The following MGAT4C variants were observed in gnomAD, a reference collection of about 807,000 sequenced individuals.
The protein encoded by MGAT4C is alpha-1,3-mannosyl-glycoprotein 4-beta-N-acetylglucosaminyltransferase C.
MGAT4C carries 19 observed loss-of-function variants against 40.1 expected under a neutral mutation model. The ratio of observed to expected loss-of-function variants is 0.47; its 90% CI spans 0.33 to 0.70. The LOEUF (loss-of-function observed/expected upper bound fraction) is 0.70. MGAT4C is among the 30% of genes least tolerant of loss of function. The probability of loss-of-function intolerance (pLI) is 0.02; values close to 1 mark genes in which losing one functional copy is unlikely to be tolerated. For missense variants in MGAT4C, 491 were observed against 563.2 expected (o/e 0.87, Z 1.30); for synonymous variants, 181 against 187.1 (o/e 0.97, Z 0.27).
At position 85,975,366 on chromosome 12, in the gene MGAT4C, T is replaced by C. The variant is rs1430172206; in HGVS notation, c.*3923A>G. On this transcript the variant is annotated 3_prime_UTR_variant, in exon 5 of 5. Transcript: ENST00000611864. Reference sequence around the variant, plus strand: ...TGGATAAAAAGGAAACAAATATTTATTGTGTGCCTAGTTTATGTTATCTCA... The same window carrying C: ...TGGATAAAAAGGAAACAAATATTTACTGTGTGCCTAGTTTATGTTATCTCA... The C allele has an allele frequency of 6.6e-6, 1 of 151,030 alleles. No homozygotes were observed. The highest frequency in any genetic ancestry group is 1.5e-5 in the Non-Finnish European group (1 of 67,172). The allele number at this position is 151,030 out of a possible 1,614,324, so 9.4% of individuals were successfully genotyped here. A position where few individuals can be genotyped will look rare whatever the true frequency, so the allele number is the denominator to read the frequency against.
rs1022896703 is a variant in MGAT4C at position 86,438,581 on chromosome 12, A to G, written c.-228-3316T>C. Among the ~76,000 whole-genome samples, 3 of 152,014 alleles carry G rather than the reference A, an allele frequency of 2.0e-5. 1 individual carries two copies. Among genetic ancestry groups the G allele is most frequent in the African/African-American group, 7.2e-5 (3 of 41,438 alleles). On this transcript the variant is annotated intron_variant, in intron 2 of 7. Coordinates refer to the MGAT4C transcript ENST00000548651. The stretch of plus-strand genomic sequence containing the variant: ...AAAACATGAAGAAAACAAAGTAACT[A>G]TGTAACAATCAATATGATGACTGGA...
intron 2 of MGAT4C, among the ~76,000 whole-genome samples, chr12:86,555,738 G>A (rs1340138060): frequency 5.9e-5 from 9 of 152,104 alleles, no homozygotes; most frequent in Non-Finnish European, 1.3e-4. Flanking sequence ...GCGCCCTTTT[G>A]ACCCCCACAT....
At chr12:86,233,763 G>C (rs1417775965) in intron 1 of MGAT4C, among the ~76,000 whole-genome samples, 1 of 151,888 alleles carries the variant, frequency 6.6e-6, no homozygotes, top group Non-Finnish European at 1.5e-5. Context: ...TATTTTTTGA[G>C]CTGAATTATC....
intron 1 of MGAT4C, among the ~76,000 whole-genome samples, chr12:86,755,823 G>C (rs1951295742): frequency 6.6e-6 from 1 of 151,428 alleles, no homozygotes; most frequent in African/African-American, 2.4e-5. Context: ...GTTTTTTGTA[G>C]TTTTTGTAGA....
intron 4 of MGAT4C, among the ~76,000 whole-genome samples, chr12:86,277,589 G>A (rs910388691): frequency 6.6e-6 from 1 of 152,134 alleles, no homozygotes; most frequent in African/African-American, 2.4e-5. Flanking sequence ...AGAATAGAGT[G>A]GGGTAGTTTC....
chr12:86,729,896 T>A (rs1160147501), intron 1 of MGAT4C, among the ~76,000 whole-genome samples: 1 of 152,076 alleles, frequency 6.6e-6, no homozygotes, highest in Non-Finnish European at 1.5e-5. Flanking sequence ...ATAGGCACCA[T>A]CAGAAATAAC....
chr12:86,504,689 CT>C (rs200819234), intron 2 of MGAT4C, among the ~76,000 whole-genome samples: 13 of 151,450 alleles, frequency 8.6e-5, no homozygotes, highest in Non-Finnish European at 8.8e-5. Context: ...GGAAAACAAT[CT>C]TTTTTTTTAT....
At chr12:86,513,078 C>T (rs912470826) in intron 2 of MGAT4C, among the ~76,000 whole-genome samples, 5 of 151,894 alleles carry the variant, frequency 3.3e-5, no homozygotes, top group African/African-American at 1.2e-4. Flanking sequence ...CTTGAGAGAG[C>T]CAATTAAAGT....
At chr12:86,704,384 T>C (rs1467045939) in intron 2 of MGAT4C, among the ~76,000 whole-genome samples, 1 of 152,008 alleles carries the variant, frequency 6.6e-6, no homozygotes, top group Non-Finnish European at 1.5e-5. Context: ...GAGTAAATAC[T>C]ATTGGAAAGA....
chr12:86,077,899 C>T (rs903652998), intron 1 of MGAT4C, among the ~76,000 whole-genome samples: 1 of 152,168 alleles, frequency 6.6e-6, no homozygotes, highest in East Asian at 1.9e-4. Context: ...TCATCTTAGC[C>T]TGTTGACTTA....
At chr12:86,248,999 A>AT (rs1329930767) in intron 1 of MGAT4C, among the ~76,000 whole-genome samples, 1 of 152,154 alleles carries the variant, frequency 6.6e-6, no homozygotes, top group Non-Finnish European at 1.5e-5. Context: ...GAATGACACA[A>AT]TGCTTATTGT....
At chr12:86,385,148 T>C (rs2136223297) in intron 3 of MGAT4C, among the ~76,000 whole-genome samples, 1 of 152,320 alleles carries the variant, frequency 6.6e-6, no homozygotes, top group South Asian at 2.1e-4. Flanking sequence ...AGGTGCTCAA[T>C]AAACACTTGC....
At chr12:86,207,604 T>TA (rs903738621) in intron 1 of MGAT4C, among the ~76,000 whole-genome samples, 3 of 151,838 alleles carry the variant, frequency 2.0e-5, no homozygotes, top group South Asian at 2.1e-4. Flanking sequence ...TGAACAAGAA[T>TA]AAAAAAAAGA....
chr12:86,785,306 AT>A (rs918424540), intron 1 of MGAT4C, among the ~76,000 whole-genome samples: 6 of 151,930 alleles, frequency 3.9e-5, no homozygotes, highest in African/African-American at 1.2e-4. Flanking sequence ...ATTTTTGTGT[AT>A]TTTTTTCTTA....
At chr12:86,421,880 A>C (rs1173928802) in intron 3 of MGAT4C, among the ~76,000 whole-genome samples, 3 of 152,194 alleles carry the variant, frequency 2.0e-5, no homozygotes, top group African/African-American at 7.2e-5. Context: ...TGATCAAGGA[A>C]ATAAAAAAGT....
At chr12:86,216,257 A>T (rs1192230258) in intron 1 of MGAT4C, among the ~76,000 whole-genome samples, 1 of 152,210 alleles carries the variant, frequency 6.6e-6, no homozygotes, top group East Asian at 1.9e-4. Context: ...GCCTTAGAAA[A>T]GATAGAATCA....
intron 1 of MGAT4C, among the ~76,000 whole-genome samples, chr12:86,806,340 A>C (rs531181847): frequency 6.6e-6 from 1 of 152,054 alleles, no homozygotes; most frequent in African/African-American, 2.4e-5. Flanking sequence ...CAATGGTAAA[A>C]TTTTGCAAAC....
Position 85,973,728 on chromosome 12 carries a change from A to G in MGAT4C, c.*5561T>C, listed in dbSNP as rs947855155. 5.3e-5 allele frequency: 8 copies of G among 150,782 alleles called. No individual in the cohort carries two copies. Among genetic ancestry groups the G allele is most frequent in the African/African-American group, 1.7e-4 (7 of 41,304 alleles). 9.3% of individuals were successfully genotyped at this position (150,782 alleles called of 1,614,324 possible). On this transcript the variant is annotated 3_prime_UTR_variant, in exon 5 of 5. Transcript: ENST00000611864. ...TACCTATCACTTTCTCACATAATCA[A>G]TTTAACTTTTTGGTAAATCTTCTAA...
At chr12:86,442,493 G>C (rs145471369) in intron 2 of MGAT4C, among the ~76,000 whole-genome samples, 1 of 152,072 alleles carries the variant, frequency 6.6e-6, no homozygotes, top group Admixed American at 6.6e-5. Context: ...ACATTTAAGT[G>C]TTTAATCCAT....
Sources: allele counts gnomAD v4.1 joint callset (sites outside exome capture counted in the v4.1 genomes callset), GRCh38; gene constraint gnomAD v4.1.1; transcripts MANE v1.5; gene names NCBI Gene and HGNC (gene_info 2026-07-23, HGNC 2026-07-21).